Variants in AHNAK observed in about 807,000 individuals in gnomAD.
AHNAK encodes neuroblast differentiation-associated protein AHNAK.
A neutral mutation model predicts 37.8 loss-of-function variants in AHNAK; 23 were observed. That is an observed-to-expected ratio of 0.61 (90% confidence interval 0.44 to 0.86). AHNAK has a LOEUF of 0.86. Among genes scored for constraint, AHNAK ranks in the 40% least tolerant of loss-of-function variants. The probability of loss-of-function intolerance (pLI) is 0.00; values close to 1 mark genes in which losing one functional copy is unlikely to be tolerated. For missense variants in AHNAK, 7,411 were observed against 7,319.4 expected (o/e 1.01, Z -0.46); for synonymous variants, 2,481 against 2,636.3 (o/e 0.94, Z 1.80).
At chr11:62,469,188 C>T (rs1938978589) in intron 5 of AHNAK, among the ~76,000 whole-genome samples, 1 of 151,332 alleles carries the variant, frequency 6.6e-6, no homozygotes. Context: ...GTGGTGTGGT[C>T]TTGGCTTACT....
intron 5 of AHNAK, among the ~76,000 whole-genome samples, chr11:62,486,903 T>A (rs1200228770): frequency 1.3e-5 from 2 of 152,002 alleles, no homozygotes; most frequent in East Asian, 3.9e-4. Context: ...TACAGGAATA[T>A]CTGCCCCCAT....
In AHNAK at chr11:62,520,642, T is replaced by G. The variant is rs1352234321; in HGVS notation, c.13775A>C (p.Lys4592Thr). ...KMPDLHLKAP[K>T]ISMPEVDLNL... ...CAGGTCAACTTCAGGCATAGAGATC[T>G]TCGGTGCCTTGAGGTGTAAGTCAGG... Residue 4592 changes from lysine (K) to threonine (T), a missense_variant, in exon 5 of 5, where the codon AAG becomes ACG. Transcript: ENST00000378024. 6.2e-7 allele frequency: 1 copy of G among 1,614,128 alleles called. No individual in the cohort carries two copies.
intron 1 of AHNAK, among the ~76,000 whole-genome samples, chr11:62,540,160 A>G (rs1941079155): frequency 6.6e-6 from 1 of 152,246 alleles, no homozygotes; most frequent in Non-Finnish European, 1.5e-5. Context: ...GCCAAGTGCC[A>G]TAAGCCTTCA....
At chr11:62,542,733 C>T (rs941805352) in intron 1 of AHNAK, among the ~76,000 whole-genome samples, 25 of 152,208 alleles carry the variant, frequency 1.6e-4, no homozygotes, top group African/African-American at 6.0e-4. Context: ...TGGGGAGTCC[C>T]CACACCTGGA....
At chr11:62,436,313 G>A (rs890050024) in intron 5 of AHNAK, among the ~76,000 whole-genome samples, 3 of 152,086 alleles carry the variant, frequency 2.0e-5, no homozygotes, top group African/African-American at 4.8e-5. Flanking sequence ...CTGATGCTCC[G>A]GGGGAGTAGC....
At position 62,531,924 on chromosome 11, in the gene AHNAK, G is replaced by A. The variant is rs1264672737; in HGVS notation, c.2493C>T (p.Asn831=). 8 of 1,604,858 alleles carry A rather than the reference G, an allele frequency of 5.0e-6. No individual in the cohort carries two copies. The highest frequency in any genetic ancestry group is 5.9e-6 in the Non-Finnish European group (7 of 1,176,892). The change falls in exon 5 of 5, where the codon AAC becomes AAT. Residue 831 remains asparagine (N), a synonymous_variant. Transcript: ENST00000378024. ...PDVDLHLKGP[N]VKGEYDVTMP... ...TTGTGACATCATATTCTCCCTTTACGTTAGGGCCTTTCAGATGTAAGTCCA... is the reference window on the plus strand; with the variant it reads ...TTGTGACATCATATTCTCCCTTTACATTAGGGCCTTTCAGATGTAAGTCCA...
At position 62,517,714 on chromosome 11, in the gene AHNAK, C is replaced by T; in HGVS notation, c.16703G>A (p.Gly5568Glu). 1 of 1,614,204 alleles carries T rather than the reference C, an allele frequency of 6.2e-7. No homozygotes were observed. Among genetic ancestry groups the T allele is most frequent in the Non-Finnish European group, 8.5e-7 (1 of 1,180,042 alleles). The change falls in exon 5 of 5, where the codon GGA becomes GAA. Residue 5568 changes from glycine (G) to glutamate (E), a missense_variant. By Grantham distance (98) the Gly-to-Glu change is moderately conservative. Coordinates refer to ENST00000378024, the MANE Select transcript of AHNAK (RefSeq NM_001620.3). ...GINLKGPKIK[G>E]GADVSGGVSA... ...GACACCCCCTGAAACATCCGCACCTCCTTTGATTTTTGGGCCCTTCAAGTT... is the reference window on the plus strand; with the variant it reads ...GACACCCCCTGAAACATCCGCACCTTCTTTGATTTTTGGGCCCTTCAAGTT...
chr11:62,468,686 T>G (rs1938968725), intron 5 of AHNAK, among the ~76,000 whole-genome samples: 1 of 152,078 alleles, frequency 6.6e-6, no homozygotes, highest in Admixed American at 6.6e-5. Context: ...GCTTTAGCCT[T>G]TACAAGGAGG....
chr11:62,490,660 C>T (rs544093494), intron 5 of AHNAK, among the ~76,000 whole-genome samples: 15 of 152,260 alleles, frequency 9.9e-5, no homozygotes, highest in African/African-American at 2.9e-4. Flanking sequence ...TAGAAGGAAG[C>T]GGAGCTCCCT....
chr11:62,471,043 G>C (rs577305705), intron 5 of AHNAK, among the ~76,000 whole-genome samples: 2 of 152,266 alleles, frequency 1.3e-5, no homozygotes, highest in Non-Finnish European at 2.9e-5. Context: ...AGAAGGCTTT[G>C]GGGAGAAACT....
Position 62,442,472 on chromosome 11 carries a change from C to T in AHNAK, c.443-8581G>A, listed in dbSNP as rs564483774. Reference sequence around the variant, plus strand: ...CTGAGACAGGAGGATCACCTGAGGCCGGGAAGTCAAGGCTGTGGTGAGCCG... The same window carrying T: ...CTGAGACAGGAGGATCACCTGAGGCTGGGAAGTCAAGGCTGTGGTGAGCCG... On this transcript the variant is annotated intron_variant, in intron 5 of 5. Transcript: ENST00000257247. Among the ~76,000 whole-genome samples the T allele has an allele frequency of 9.6e-4, 146 of 152,130 alleles. 1 individual carries two copies. The highest frequency in any genetic ancestry group is 2.1e-4 in the Non-Finnish European group (14 of 68,018).
At chr11:62,534,383 A>AGG (rs1940876644) in intron 4 of AHNAK, among the ~76,000 whole-genome samples, 1 of 152,224 alleles carries the variant, frequency 6.6e-6, no homozygotes, top group Non-Finnish European at 1.5e-5. Flanking sequence ...AGCCTGTGCC[A>AGG]GGGACACCTC....
At chr11:62,485,965 GA>G (rs1277764617) in intron 5 of AHNAK, among the ~76,000 whole-genome samples, 2 of 148,058 alleles carry the variant, frequency 1.4e-5, no homozygotes, top group East Asian at 4.0e-4. Flanking sequence ...AGGTTGCAGT[GA>G]GCCGAGATTG....
intron 5 of AHNAK, among the ~76,000 whole-genome samples, chr11:62,480,703 CTCTT>C (rs983405076): frequency 1.3e-5 from 2 of 150,718 alleles, no homozygotes; most frequent in Non-Finnish European, 2.9e-5. Context: ...AAAGGCCTGA[CTCTT>C]TCTCAGTGGT....
intron 5 of AHNAK, among the ~76,000 whole-genome samples, chr11:62,439,087 C>T (rs889659144): frequency 1.5e-4 from 17 of 112,844 alleles, no homozygotes; most frequent in Non-Finnish European, 2.7e-4. Context: ...CTCAGTTTCC[C>T]TATTTTTTTT....
intron 5 of AHNAK, among the ~76,000 whole-genome samples, chr11:62,455,702 T>C (rs1251453099): frequency 6.7e-6 from 1 of 149,684 alleles, no homozygotes; most frequent in African/African-American, 2.5e-5. Flanking sequence ...CGAAACTCCA[T>C]CTCAAAAGAA....
chr11:62,541,352 G>A (rs1223376960), intron 1 of AHNAK, among the ~76,000 whole-genome samples: 1 of 152,222 alleles, frequency 6.6e-6, no homozygotes, highest in East Asian at 1.9e-4. Context: ...CAGCATGGCA[G>A]CACGCACATA....
At chr11:62,474,922 T>A (rs1334175703) in intron 5 of AHNAK, among the ~76,000 whole-genome samples, 1 of 152,040 alleles carries the variant, frequency 6.6e-6, no homozygotes, top group East Asian at 1.9e-4. Context: ...CCTCAGAGGC[T>A]GGTGAGGAAG....
rs187700541 is a variant in AHNAK at position 62,528,789 on chromosome 11, C to T, written c.5628G>A (p.Ser1876=). 2.2e-5 allele frequency: 35 copies of T among 1,610,126 alleles called. No homozygotes were observed. In the African/African-American group the frequency reaches 2.4e-4, roughly 11 times the overall value. ...TTAAATCTCCCTCCAATTTTGGCAC[C>T]GACACATCCGCATCCCCTTTGACTT... ...GPKVKGDADV[S]VPKLEGDLTG... is the part of the protein sequence containing the mutation. The change falls in exon 5 of 5, where the codon TCG becomes TCA. Residue 1876 remains serine (S), a synonymous_variant. Coordinates refer to ENST00000378024, the MANE Select transcript of AHNAK (RefSeq NM_001620.3).
Sources: gnomAD v4.1 joint callset for allele counts (sites outside exome capture counted in the v4.1 genomes callset) on GRCh38, gnomAD v4.1.1 for gene constraint, MANE v1.5 for transcripts, NCBI Gene and HGNC (gene_info 2026-07-23, HGNC 2026-07-21) for gene names.